The following MACROD2 variants were observed in gnomAD, a reference collection of about 807,000 sequenced individuals.
MACROD2 encodes mono-ADP ribosylhydrolase 2.
In MACROD2, 36 loss-of-function variants were observed where a neutral mutation model predicts 70.4. The observed-to-expected ratio is 0.51, with a 90% CI of 0.39 to 0.68. The LOEUF (loss-of-function observed/expected upper bound fraction) is 0.68, where lower values mean the gene tolerates loss of function less well. Among genes scored for constraint, MACROD2 ranks in the 30% least tolerant of loss-of-function variants. The probability of loss-of-function intolerance (pLI) is 0.00; values close to 1 mark genes in which losing one functional copy is unlikely to be tolerated. For synonymous variants in MACROD2, 172 were observed against 178.8 expected (o/e 0.96, Z 0.30); for missense variants, 496 against 538.4 (o/e 0.92, Z 0.78).
chr20:14,592,442 G>A (rs1364098868), intron 4 of MACROD2, among the ~76,000 whole-genome samples: 1 of 152,124 alleles, frequency 6.6e-6, no homozygotes, highest in Non-Finnish European at 1.5e-5. Context: ...TTGTTTTTCT[G>A]AGACACAATC....
chr20:15,118,461 G>A (rs766193747), intron 5 of MACROD2, among the ~76,000 whole-genome samples: 1 of 152,098 alleles, frequency 6.6e-6, no homozygotes, highest in Non-Finnish European at 1.5e-5. Context: ...AAAGTGGTGG[G>A]AGTGCAAGCA....
At chr20:14,601,953 C>A (rs929462624) in intron 4 of MACROD2, among the ~76,000 whole-genome samples, 1 of 152,120 alleles carries the variant, frequency 6.6e-6, no homozygotes, top group Non-Finnish European at 1.5e-5. Context: ...CATCTCGCAC[C>A]ATATATAAAC....
intron 4 of MACROD2, among the ~76,000 whole-genome samples, chr20:14,583,104 T>C (rs1171867303): frequency 8.5e-5 from 13 of 152,150 alleles, no homozygotes; most frequent in Admixed American, 8.5e-4. Flanking sequence ...ATGTCTTGTG[T>C]TGGATTTCCT....
intron 6 of MACROD2, among the ~76,000 whole-genome samples, chr20:15,425,007 G>C (rs1474309273): frequency 2.0e-5 from 3 of 152,180 alleles, no homozygotes; most frequent in Admixed American, 6.5e-5. Context: ...GAAACCCTTT[G>C]TTGGAAGCTC....
intron 4 of MACROD2, among the ~76,000 whole-genome samples, chr20:14,605,718 AT>A (rs1368787527): frequency 6.6e-6 from 1 of 152,046 alleles, no homozygotes; most frequent in African/African-American, 2.4e-5. Context: ...CTTTTACAGG[AT>A]TTTTTTGTTG....
chr20:15,561,987 C>T (rs2048250985), intron 8 of MACROD2, among the ~76,000 whole-genome samples: 2 of 152,118 alleles, frequency 1.3e-5, no homozygotes, highest in South Asian at 2.1e-4. Context: ...GCATAAAAAT[C>T]AGGCCTGACT....
chr20:15,602,117 A>C (rs2048830139), intron 8 of MACROD2, among the ~76,000 whole-genome samples: 1 of 152,178 alleles, frequency 6.6e-6, no homozygotes, highest in African/African-American at 2.4e-5. Context: ...ACACTGTCTA[A>C]ATCCCTCACT....
chr20:15,233,525 G>A (rs1232755672), intron 6 of MACROD2, among the ~76,000 whole-genome samples: 3 of 152,082 alleles, frequency 2.0e-5, no homozygotes, highest in African/African-American at 7.2e-5. Flanking sequence ...TTGGGCGTAA[G>A]ATGTGTTGTG....
chr20:14,224,904 C>T lies in MACROD2; in HGVS notation c.271+139176C>T, dbSNP rs1192058364. Among the ~76,000 whole-genome samples the T allele has an allele frequency of 2.0e-5, 3 of 152,132 alleles. No individual in the cohort carries two copies. In the East Asian group the frequency reaches 5.8e-4, roughly 29 times the overall value. ...GAATTGCTACCATGGTGCTTGAATC[C>T]TTATACACTAGCCATTCTACCTGAT... is the stretch of plus-strand genomic sequence containing the variant. On this transcript the variant is annotated intron_variant, in intron 3 of 17. Coordinates refer to ENST00000684519, the MANE Select transcript of MACROD2 (RefSeq NM_001351661.2).
chr20:15,364,714 A>G (rs566948880), intron 6 of MACROD2, among the ~76,000 whole-genome samples: 2 of 152,278 alleles, frequency 1.3e-5, no homozygotes, highest in South Asian at 2.1e-4. Flanking sequence ...TCCTTTTCCA[A>G]TGAGATAATA....
intron 5 of MACROD2, among the ~76,000 whole-genome samples, chr20:15,018,419 G>A (rs2075138220): frequency 6.6e-6 from 1 of 152,094 alleles, no homozygotes; most frequent in South Asian, 2.1e-4. Flanking sequence ...CAAGTCTCTA[G>A]GAAGTTCCAA....
intron 5 of MACROD2, among the ~76,000 whole-genome samples, chr20:14,979,097 A>T (rs1406901381): frequency 7.1e-6 from 1 of 141,476 alleles, no homozygotes; most frequent in Non-Finnish European, 1.5e-5. Flanking sequence ...GACTACATGT[A>T]CACACCACCA....
chr20:15,607,382 G>T (rs1021048063), intron 8 of MACROD2, among the ~76,000 whole-genome samples: 8 of 152,298 alleles, frequency 5.3e-5, no homozygotes, highest in South Asian at 4.1e-4. Flanking sequence ...GAGATGCTCA[G>T]TTCTTTCCTG....
chr20:15,600,871 T>G (rs2048810646), intron 8 of MACROD2, among the ~76,000 whole-genome samples: 1 of 152,200 alleles, frequency 6.6e-6, no homozygotes, highest in Non-Finnish European at 1.5e-5. Context: ...CCTTGACATT[T>G]TGACCATCTT....
intron 8 of MACROD2, among the ~76,000 whole-genome samples, chr20:15,549,686 T>G (rs1455568404): frequency 6.6e-6 from 1 of 152,146 alleles, no homozygotes; most frequent in African/African-American, 2.4e-5. Flanking sequence ...AGCTCACTTT[T>G]CTTGTCTGCC....
chr20:15,904,862 AAG>A (rs1194481538), intron 10 of MACROD2, among the ~76,000 whole-genome samples: 11 of 149,378 alleles, frequency 7.4e-5, no homozygotes, highest in Non-Finnish European at 1.2e-4. Context: ...GCCTGCGCGA[AAG>A]AGAGAGACTC....
intron 5 of MACROD2, among the ~76,000 whole-genome samples, chr20:15,085,372 GA>G (rs1401681580): frequency 6.6e-6 from 1 of 151,784 alleles, no homozygotes; most frequent in Non-Finnish European, 1.5e-5. Flanking sequence ...GCACAAGCAA[GA>G]AAAGAAAAAA....
At chr20:14,554,986 G>A (rs193060912) in intron 4 of MACROD2, among the ~76,000 whole-genome samples, 2 of 150,848 alleles carry the variant, frequency 1.3e-5, no homozygotes, top group South Asian at 4.4e-4. Flanking sequence ...TTAGAGGTAG[G>A]GGGTAGGGAT....
intron 3 of MACROD2, among the ~76,000 whole-genome samples, chr20:14,366,236 T>C (rs1225111142): frequency 1.3e-5 from 2 of 152,192 alleles, no homozygotes; most frequent in African/African-American, 4.8e-5. Context: ...TGGTTGCTTT[T>C]CCCTGCAATT....
Sources: gnomAD v4.1 joint callset for allele counts (sites outside exome capture counted in the v4.1 genomes callset) on GRCh38, gnomAD v4.1.1 for gene constraint, MANE v1.5 for transcripts, NCBI Gene and HGNC (gene_info 2026-07-23, HGNC 2026-07-21) for gene names.